The following MUC4 variants were observed in gnomAD, a reference collection of about 807,000 sequenced individuals.
MUC4 encodes mucin-4.
MUC4 carries 202 observed loss-of-function variants against 257.9 expected under a neutral mutation model. The observed-to-expected ratio is 0.78, with a 90% CI of 0.70 to 0.88. MUC4 has a LOEUF of 0.88. MUC4 is among the 40% of genes least tolerant of loss of function. The pLI is 0.00. For synonymous variants in MUC4, 2,351 were observed against 2,757.1 expected (o/e 0.85, Z 4.62); for missense variants, 5,976 against 6,513.7 (o/e 0.92, Z 2.84).
At chr3:195,748,049 G>A (rs1715467722) in intron 24 of MUC4, among the ~76,000 whole-genome samples, 1 of 151,744 alleles carries the variant, frequency 6.6e-6, no homozygotes, top group Non-Finnish European at 1.5e-5. Flanking sequence ...CCCTCCTTCG[G>A]CGGGATCTGG....
Position 195,761,074 on chromosome 3 carries a change from CTGGT to C in MUC4, c.14654_14657del (p.Asp4885GlyfsTer24). On this transcript the variant is annotated frameshift_variant, in exon 16 of 25. Transcript: ENST00000463781. LOFTEE classifies it high-confidence loss of function. Reference sequence around the variant, plus strand: ...AAACAGGGGTGAAGTTGGAAGGCAGCTGGTCATTCCTCTTGCCAAGGAGGCCTGT... The same window carrying C: ...AAACAGGGGTGAAGTTGGAAGGCAGCCATTCCTCTTGCCAAGGAGGCCTGT... The C allele has an allele frequency of 6.2e-7, 1 of 1,614,220 alleles. No individual in the cohort carries two copies. The highest frequency in any genetic ancestry group is 8.5e-7 in the Non-Finnish European group (1 of 1,180,028).
intron 8 of MUC4, among the ~76,000 whole-genome samples, 170 bp downstream of exon 8, chr3:195,766,493 G>C (rs571006992): frequency 6.6e-6 from 1 of 152,260 alleles, no homozygotes; most frequent in East Asian, 1.9e-4. Flanking sequence ...GCTGCTCCCT[G>C]GGTGGTGCCA....
intron 1 of MUC4, among the ~76,000 whole-genome samples, chr3:195,801,626 C>T (rs996798144): frequency 1.1e-4 from 17 of 152,254 alleles, no homozygotes; most frequent in Admixed American, 8.5e-4. Context: ...CTTCCCCTGC[C>T]GCCTCTTCTT....
intron 3 of MUC4, among the ~76,000 whole-genome samples, chr3:195,775,863 TACCTTCCACACC>T (rs1560285219): frequency 8.3e-6 from 1 of 120,484 alleles, no homozygotes; most frequent in Non-Finnish European, 1.7e-5. Context: ...TCCACGGCCA[TACCTTCCACACC>T]CATACCTTCC....
intron 12 of MUC4, 150 bp from the exon 13 acceptor site, chr3:195,763,095 G>A (rs1414078236): frequency 5.8e-6 from 4 of 692,434 alleles, no homozygotes; most frequent in South Asian, 3.5e-5. Context: ...GCCAGCCGCC[G>A]TCTACCGTGT....
chr3:195,788,981 T>C lies in MUC4; in HGVS notation c.2599A>G (p.Ile867Val). 1 of 1,613,780 alleles carries C rather than the reference T, an allele frequency of 6.2e-7. No homozygotes were observed. The highest frequency in any genetic ancestry group is 8.5e-7 in the Non-Finnish European group (1 of 1,179,814). ...IPVSTGMASS[I>V]VPGTFHPTLS... ...GTGGGATGAAAGGTGCCGGGGACGA[T>C]CGAAGACGCCATTCCTGTGCTTACT... is the stretch of plus-strand genomic sequence containing the variant. Residue 867 changes from isoleucine (I) to valine (V), a missense_variant, in exon 2 of 25, where the codon ATC becomes GTC. Physicochemically the swap from Ile to Val is conservative, Grantham distance 29. Transcript: ENST00000463781.
chr3:195,787,133 T>C lies in MUC4; in HGVS notation c.4447A>G (p.Thr1483Ala), dbSNP rs1414664807. Reference sequence around the variant, plus strand: ...ACAGGAAGAGGCGTGGTGTCACCTGTGGATACTGAGGAAGTGTCGGTGACA... The same window carrying C: ...ACAGGAAGAGGCGTGGTGTCACCTGCGGATACTGAGGAAGTGTCGGTGACA... Reference protein sequence around the residue: ...LLVTDTSSVSTGDTTPLPVTS... With the variant: ...LLVTDTSSVSAGDTTPLPVTS... The change falls in exon 2 of 25, where the codon ACA becomes GCA. Residue 1483 changes from threonine to alanine, a missense_variant. By Grantham distance (58) the Thr-to-Ala change is moderately conservative. Coordinates refer to ENST00000463781, the MANE Select transcript of MUC4 (RefSeq NM_018406.7). 8.7e-7 allele frequency: 1 copy of C among 1,151,342 alleles called. No individual in the cohort carries two copies. The highest frequency in any genetic ancestry group is 1.2e-6 in the Non-Finnish European group (1 of 838,480). 71.3% of individuals were successfully genotyped at this position (1,151,342 alleles called of 1,614,324 possible).
Position 195,750,995 on chromosome 3 carries a change from C to T in MUC4, c.15765G>A (p.Ala5255=), listed in dbSNP as rs769242243. The part of the protein sequence containing the change: ...IDFLNNQLLA[A]VVEAFLYHVP... Reference sequence around the variant, plus strand: ...CGTGGTATAAGAACGCCTCCACCACCGCGGCCAGCAGCTGGTTGTTCAGGA... The same window carrying T: ...CGTGGTATAAGAACGCCTCCACCACTGCGGCCAGCAGCTGGTTGTTCAGGA... The change falls in exon 23 of 25, where the codon GCG becomes GCA. Residue 5255 remains alanine, a synonymous_variant. Coordinates refer to ENST00000463781, the MANE Select transcript of MUC4 (RefSeq NM_018406.7). 12 of 1,613,996 alleles carry T rather than the reference C, an allele frequency of 7.4e-6. No homozygotes were observed. The Admixed American group carries it at 8.3e-5, about 11-fold the overall frequency.
Position 195,747,347 on chromosome 3 carries a change from G to T in MUC4, c.16068C>A (p.Gly5356=). Residue 5356 remains glycine, a synonymous_variant, in exon 25 of 25, where the codon GGC becomes GGA. Transcript: ENST00000463781. The stretch of plus-strand genomic sequence containing the variant: ...TCATGCTCAGGTGCTCACAGTGCTC[G>T]CCCCAGGCCGTGTAGATGGAGAAGG... ...CVSFSIYTAW[G]EHCEHLSMKL... 6.2e-7 allele frequency: 1 copy of T among 1,614,008 alleles called. No homozygotes were observed. The highest frequency in any genetic ancestry group is 8.5e-7 in the Non-Finnish European group (1 of 1,179,884).
intron 24 of MUC4, among the ~76,000 whole-genome samples, 195 bp downstream of exon 24, chr3:195,748,707 T>G (rs1251960062): frequency 3.3e-5 from 5 of 152,282 alleles, no homozygotes; most frequent in Non-Finnish European, 7.3e-5. Flanking sequence ...ATGGCTCTTT[T>G]GGGTTTCAGA....
At position 195,757,793 on chromosome 3, in the gene MUC4, C is replaced by A. The variant is rs955885317; in HGVS notation, c.14987-465G>T. 1.3e-5 allele frequency among the ~76,000 whole-genome samples: 2 copies of A among 152,140 alleles called. No homozygotes were observed. The highest frequency in any genetic ancestry group is 2.9e-5 in the Non-Finnish European group (2 of 68,030). On this transcript the variant is annotated intron_variant, in intron 17 of 24. Transcript: ENST00000463781. This position sits in a 1 kb window ranked among gnomAD's most constrained non-coding sequence, Gnocchi z 4.8. ...TTTCCCAGACACCCCCTTCAGACAC[C>A]AGACTGTAGTGAAACACTACTACAT... is the stretch of plus-strand genomic sequence containing the variant.
At position 195,763,580 on chromosome 3, in the gene MUC4, C is replaced by A; in HGVS notation, c.14106G>T (p.Gly4702=). ...TLDGVSYTFN[G]LGDFLLVGAQ... The stretch of plus-strand genomic sequence containing the variant: ...CCCCGACCAGCAGGAAGTCCCCCAG[C>A]CCATTGAAGGTGTAACTGACACCAT... Residue 4702 remains glycine, a synonymous_variant, in exon 12 of 25, where the codon GGG becomes GGT. Coordinates refer to ENST00000463781, the MANE Select transcript of MUC4 (RefSeq NM_018406.7). 1 of 1,595,236 alleles carries A rather than the reference C, an allele frequency of 6.3e-7. No individual in the cohort carries two copies.
Position 195,785,698 on chromosome 3 carries a change from A to T in MUC4, c.5882T>A (p.Val1961Glu). 7.5e-7 allele frequency: 1 copy of T among 1,334,458 alleles called. No individual in the cohort carries two copies. Among genetic ancestry groups the T allele is most frequent in the Non-Finnish European group, 9.9e-7 (1 of 1,006,676 alleles). 82.7% of individuals were successfully genotyped at this position (1,334,458 alleles called of 1,614,324 possible). The change falls in exon 2 of 25, where the codon GTA (valine) becomes GAA (glutamate). Residue 1961 changes from valine to glutamate, a missense_variant. Val to Glu is a moderately radical substitution (Grantham distance 121, BLOSUM62 -2). Transcript: ENST00000463781. ...AAGAGAGGTGGCGTGACCTGTGGGT[A>T]CTGAGGAAGCGTCGGTGACAGGAAG... ...TPLPVTDASS[V>E]PTGHATSLPV...
Position 195,789,961 on chromosome 3 carries a change from C to T in MUC4, c.1619G>A (p.Gly540Glu). Residue 540 changes from glycine to glutamate, a missense_variant, in exon 2 of 25, where the codon GGG becomes GAG. Coordinates refer to ENST00000463781, the MANE Select transcript of MUC4 (RefSeq NM_018406.7). ...PRVPSKVSAI[G>E]EPGEPTTYSS... ...GTATGTGGTGGGCTCTCCTGGTTCCCCTATTGCTGAGACCTTAGAGGGGAC... is the reference window on the plus strand; with the variant it reads ...GTATGTGGTGGGCTCTCCTGGTTCCTCTATTGCTGAGACCTTAGAGGGGAC... The T allele has an allele frequency of 6.2e-7, 1 of 1,613,900 alleles. No homozygotes were observed. Among genetic ancestry groups the T allele is most frequent in the Non-Finnish European group, 8.5e-7 (1 of 1,179,876 alleles).
chr3:195,761,211 G>A (rs538409128), intron 15 of MUC4, 94 bp from the exon 16 acceptor site: 169 of 1,229,336 alleles, frequency 1.4e-4, no homozygotes, highest in Admixed American at 1.1e-3. Flanking sequence ...GGCTTGGAGC[G>A]GGGCGGTGGG....
At chr3:195,777,898 A>G (rs77840946) in intron 3 of MUC4, among the ~76,000 whole-genome samples, 7,028 of 25,220 alleles carry the variant, frequency 0.28, 1,229 homozygotes, top group East Asian at 0.45. Context: ...TACCTTCCAC[A>G]GCCATACCTT....
chr3:195,751,897 A>T, intron 21 of MUC4: 1 of 201,912 alleles, frequency 5.0e-6, no homozygotes, highest in Non-Finnish European at 1.0e-5. Context: ...ATGACCTGTT[A>T]TATGATGTGT....
At position 195,787,454 on chromosome 3, in the gene MUC4, G is replaced by T. The variant is rs775579459; in HGVS notation, c.4126C>A (p.Pro1376Thr). 5.6e-6 allele frequency: 4 copies of T among 713,206 alleles called. No individual in the cohort carries two copies. The highest frequency in any genetic ancestry group is 3.2e-5 in the East Asian group (1 of 30,874). The allele number at this position is 713,206 out of a possible 1,614,324, so 44.2% of individuals were successfully genotyped here. ...ASSASTGQATPLPVTSLSSVS... is the reference protein window; with the variant it reads ...ASSASTGQATTLPVTSLSSVS... ...GAGGAAAGGCTGGTGACAGGAAGAG[G>T]GGTGGCCTGACCTGTGGATGCTGAG... Residue 1376 changes from proline (P) to threonine (T), a missense_variant, in exon 2 of 25, where the codon CCT becomes ACT. Transcript: ENST00000463781.
At position 195,785,814 on chromosome 3, in the gene MUC4, A is replaced by G; in HGVS notation, c.5766T>C (p.Pro1922=). Residue 1922 remains proline (P), a synonymous_variant, in exon 2 of 25, where the codon CCT becomes CCC. Coordinates refer to ENST00000463781, the MANE Select transcript of MUC4 (RefSeq NM_018406.7). ...SVSTGHATSL[P]VTSLSSASTG... ...TGGATGCTGAGGAAAGGCTGGTGAC[A>G]GGAAGAGAGGTGGCGTGACCTGTGG... The G allele has an allele frequency of 1.3e-6, 2 of 1,524,956 alleles. No individual in the cohort carries two copies. Among genetic ancestry groups the G allele is most frequent in the Non-Finnish European group, 1.8e-6 (2 of 1,130,238 alleles). The allele number at this position is 1,524,956 out of a possible 1,614,324, so 94.5% of individuals were successfully genotyped here.
Sources: allele counts gnomAD v4.1 joint callset (sites outside exome capture counted in the v4.1 genomes callset), GRCh38; gene constraint gnomAD v4.1.1; non-coding constraint Gnocchi (gnomAD v3.1); transcripts MANE v1.5; gene names NCBI Gene and HGNC (gene_info 2026-07-23, HGNC 2026-07-21).